The following VWC2 variants were observed in gnomAD, a reference collection of about 807,000 sequenced individuals.
VWC2 encodes von Willebrand factor C domain containing 2.
In VWC2, 14 loss-of-function variants were observed where a neutral mutation model predicts 29.8. The ratio of observed to expected loss-of-function variants is 0.47; its 90% CI spans 0.31 to 0.74. The LOEUF (loss-of-function observed/expected upper bound fraction) is 0.74, where lower values mean the gene tolerates loss of function less well. VWC2 is among the 30% of genes least tolerant of loss of function. The pLI is 0.05. For missense variants in VWC2, 457 were observed against 459.8 expected (o/e 0.99, Z 0.05); for synonymous variants, 213 against 199.0 (o/e 1.07, Z -0.59).
At chr7:49,809,521 A>G (rs1013669459) in intron 3 of VWC2, among the ~76,000 whole-genome samples, 2 of 152,028 alleles carry the variant, frequency 1.3e-5, no homozygotes, top group Non-Finnish European at 2.9e-5. Flanking sequence ...TAGTTTCTGC[A>G]TTTGTTGTGA....
At chr7:49,796,711 C>A (rs1788599017) in intron 2 of VWC2, among the ~76,000 whole-genome samples, 3 of 152,136 alleles carry the variant, frequency 2.0e-5, no homozygotes, top group Admixed American at 2.0e-4. Context: ...ATTTCAGAGC[C>A]TGGTCCTTCT....
At chr7:49,793,384 C>T (rs1231634804) in intron 2 of VWC2, among the ~76,000 whole-genome samples, 1 of 151,732 alleles carries the variant, frequency 6.6e-6, no homozygotes, top group Non-Finnish European at 1.5e-5. Flanking sequence ...CAAACCTGCC[C>T]TCTCATTCAT....
intron 2 of VWC2, among the ~76,000 whole-genome samples, chr7:49,791,345 C>T (rs1440520079): frequency 6.6e-6 from 1 of 152,208 alleles, no homozygotes; most frequent in East Asian, 1.9e-4. Context: ...GGAGAGACTG[C>T]TTTGTCATTC....
intron 3 of VWC2, among the ~76,000 whole-genome samples, chr7:49,810,037 A>G (rs1431397679): frequency 6.6e-6 from 1 of 151,984 alleles, no homozygotes; most frequent in African/African-American, 2.4e-5. Context: ...GGCAGGAGAA[A>G]AAGAGGAAGG....
chr7:49,849,167 C>A (rs1477508026), intron 3 of VWC2, among the ~76,000 whole-genome samples: 1 of 152,174 alleles, frequency 6.6e-6, no homozygotes, highest in South Asian at 2.1e-4. Flanking sequence ...CCCAGGGAAA[C>A]CCCACTGGAT....
intron 3 of VWC2, among the ~76,000 whole-genome samples, 163 bp downstream of exon 3, chr7:49,803,003 G>A (rs1788779826): frequency 6.6e-6 from 1 of 152,238 alleles, no homozygotes; most frequent in Admixed American, 6.5e-5. Flanking sequence ...CAGTGGTTCT[G>A]TAGCAAGGCC....
At position 49,826,981 on chromosome 7, in the gene VWC2, TCAGG is replaced by T. The variant is rs576252768; in HGVS notation, c.826+24142_826+24145del. Among the ~76,000 whole-genome samples, 40 of 152,196 alleles carry T rather than the reference TCAGG, an allele frequency of 2.6e-4. 1 individual carries two copies. Among genetic ancestry groups the T allele is most frequent in the Admixed American group, 2.3e-3 (35 of 15,286 alleles). ...TCTTTAGCATGTTCAGTATTCCAAG[TCAGG>T]AAAAAATAGTTTATTCATAATTGTT... On this transcript the variant is annotated intron_variant, in intron 3 of 3. Transcript: ENST00000340652.
chr7:49,824,595 T>C (rs1789349447), intron 3 of VWC2, among the ~76,000 whole-genome samples: 1 of 152,160 alleles, frequency 6.6e-6, no homozygotes, highest in South Asian at 2.1e-4. Flanking sequence ...AAAAACCCTG[T>C]TTTGATTTTG....
chr7:49,775,750 G>A lies in VWC2; in HGVS notation c.315G>A (p.Lys105=). The change falls in exon 2 of 4, where the codon AAG becomes AAA. Residue 105 remains lysine (K), a synonymous_variant. Transcript: ENST00000340652. ...GGGTCTCCCAGGGCGGGGGCGCCAAGGCCGGGGATCTGCAGGTCCGGCCCC... is the reference window on the plus strand; with the variant it reads ...GGGTCTCCCAGGGCGGGGGCGCCAAAGCCGGGGATCTGCAGGTCCGGCCCC... ...QAWVSQGGGA[K]AGDLQVRPRG... The A allele has an allele frequency of 1.3e-6, 2 of 1,512,966 alleles. No homozygotes were observed. Among genetic ancestry groups the A allele is most frequent in the Non-Finnish European group, 1.8e-6 (2 of 1,133,518 alleles). 93.7% of individuals were successfully genotyped at this position (1,512,966 alleles called of 1,614,324 possible).
intron 3 of VWC2, among the ~76,000 whole-genome samples, chr7:49,854,961 T>G (rs519620): frequency 0.054 from 8,219 of 152,242 alleles, 737 homozygotes; most frequent in African/African-American, 0.19. Context: ...CTGACAAATA[T>G]GGCTTTTGTC....
intron 3 of VWC2, among the ~76,000 whole-genome samples, chr7:49,865,434 G>A (rs1050262166): frequency 1.3e-5 from 2 of 152,192 alleles, no homozygotes; most frequent in Admixed American, 6.5e-5. Context: ...ACCGCAAAAC[G>A]TAGTGGCTTC....
At chr7:49,839,503 T>C (rs1296268219) in intron 3 of VWC2, among the ~76,000 whole-genome samples, 2 of 152,122 alleles carry the variant, frequency 1.3e-5, no homozygotes, top group Non-Finnish European at 2.9e-5. Flanking sequence ...CACATTCTCA[T>C]GATTAAAGCA....
chr7:49,821,552 C>A (rs192073832), intron 3 of VWC2, among the ~76,000 whole-genome samples: 61 of 151,868 alleles, frequency 4.0e-4, no homozygotes, highest in African/African-American at 1.3e-3. Context: ...AAGAAAAAAG[C>A]AGCAAAACAT....
chr7:49,800,540 G>A (rs1788713538), intron 2 of VWC2, among the ~76,000 whole-genome samples: 1 of 152,030 alleles, frequency 6.6e-6, no homozygotes, highest in African/African-American at 2.4e-5. Flanking sequence ...CTCTATAGGG[G>A]GATGGTGCTC....
intron 2 of VWC2, among the ~76,000 whole-genome samples, chr7:49,797,637 A>G (rs146870096): frequency 5.2e-4 from 79 of 152,254 alleles, no homozygotes; most frequent in Non-Finnish European, 8.7e-4. Context: ...CCCTGCTGTT[A>G]TCTGTATTCT....
At chr7:49,835,066 A>G (rs952166574) in intron 3 of VWC2, among the ~76,000 whole-genome samples, 1 of 152,234 alleles carries the variant, frequency 6.6e-6, no homozygotes, top group African/African-American at 2.4e-5. Context: ...TTAAAGGCAA[A>G]TGGGGACAAA....
intron 3 of VWC2, chr7:49,901,318 C>A (rs890933914): frequency 2.6e-5 from 4 of 151,442 alleles, no homozygotes; most frequent in African/African-American, 9.7e-5. Context: ...GTAGAAAATT[C>A]AAAACAATCA....
At chr7:49,842,367 G>A (rs536635519) in intron 3 of VWC2, among the ~76,000 whole-genome samples, 9 of 152,192 alleles carry the variant, frequency 5.9e-5, no homozygotes, top group Admixed American at 1.3e-4. Flanking sequence ...TTACTAAAAC[G>A]TCATGACATT....
chr7:49,805,631 C>A (rs1352416429), intron 3 of VWC2, among the ~76,000 whole-genome samples: 1 of 152,168 alleles, frequency 6.6e-6, no homozygotes, highest in Non-Finnish European at 1.5e-5. Context: ...TAATAACTGA[C>A]TGAGATTAAT....
Sources: allele counts gnomAD v4.1 joint callset (sites outside exome capture counted in the v4.1 genomes callset), GRCh38; gene constraint gnomAD v4.1.1; transcripts MANE v1.5; gene names NCBI Gene and HGNC (gene_info 2026-07-23, HGNC 2026-07-21).